Variants in OOEP observed in about 807,000 individuals in gnomAD.
The protein encoded by OOEP is oocyte expressed protein.
In OOEP, 16 loss-of-function variants were observed where a neutral mutation model predicts 13.7. That is an observed-to-expected ratio of 1.16 (90% CI 0.79 to 1.77). The LOEUF is 1.77. Among genes scored for constraint, OOEP ranks in the 40% most tolerant of loss-of-function variants. The pLI, the probability that OOEP is intolerant of heterozygous loss-of-function variation, is 0.00. For missense variants in OOEP, 195 were observed against 193.1 expected (o/e 1.01, Z -0.06); for synonymous variants, 89 against 77.1 (o/e 1.15, Z -0.81).
At chr6:73,369,974 A>T (rs1769024629), upstream of OOEP, 2 of 600,426 alleles carry the variant, frequency 3.3e-6, no homozygotes, top group Non-Finnish European at 5.9e-6. Flanking sequence ...GCACCATTGG[A>T]CACTTCCTGC....
upstream of OOEP, among the ~76,000 whole-genome samples, chr6:73,373,942 C>A (rs116772040): frequency 6.6e-6 from 1 of 151,856 alleles, no homozygotes; most frequent in African/African-American, 2.4e-5. Flanking sequence ...CCTGTAATCC[C>A]ATCACTGGGA....
intron 2 of OOEP, 63 bp from the exon 3 acceptor site, chr6:73,368,926 T>C (rs763985793): frequency 7.8e-7 from 1 of 1,280,080 alleles, no homozygotes; most frequent in Non-Finnish European, 1.1e-6. Flanking sequence ...TTCGAACTAC[T>C]CCGTGACTGG....
At position 73,369,222 on chromosome 6, in the gene OOEP, T is replaced by TCG; in HGVS notation, c.352_353dup (p.His120AsnfsTer9). ...GACCCTCACCTCGGGCACGATGTTC[T>TCG]CGGTGAAACCATGCCAGGCACAGGA... On this transcript the variant is annotated frameshift_variant, in exon 2 of 3. Transcript: ENST00000370359. LOFTEE classifies it low-confidence loss of function (END_TRUNC). 2 of 1,611,728 alleles carry TCG rather than the reference T, an allele frequency of 1.2e-6. No homozygotes were observed. Among genetic ancestry groups the TCG allele is most frequent in the Non-Finnish European group, 1.7e-6 (2 of 1,179,064 alleles).
At chr6:73,373,356 ACT>A (rs1769090272), upstream of OOEP, 1 of 1,288,498 alleles carries the variant, frequency 7.8e-7, no homozygotes, top group Non-Finnish European at 1.1e-6. Flanking sequence ...ACAGGGTCTC[ACT>A]CTGTCACCCA....
chr6:73,375,348 TAGG>T (rs895502205), intron 2 of OOEP, among the ~76,000 whole-genome samples: 7 of 151,922 alleles, frequency 4.6e-5, no homozygotes, highest in African/African-American at 7.3e-5. Context: ...CTGTGGGAGA[TAGG>T]AGGACTGCCT....
chr6:73,388,395 CAGAA>C (rs781002531), intron 2 of OOEP, among the ~76,000 whole-genome samples: 10 of 152,194 alleles, frequency 6.6e-5, no homozygotes, highest in Admixed American at 3.9e-4. Context: ...GAAGAAAACT[CAGAA>C]GGACCAAATT....
intron 2 of OOEP, among the ~76,000 whole-genome samples, chr6:73,382,993 T>A (rs1388874082): frequency 6.6e-6 from 1 of 150,938 alleles, no homozygotes; most frequent in African/African-American, 2.4e-5. Context: ...TGCGCCACCA[T>A]GCACGTCTAA....
upstream of OOEP, chr6:73,373,047 T>C: frequency 2.3e-6 from 3 of 1,331,974 alleles, no homozygotes; most frequent in African/African-American, 1.4e-5. Context: ...CAGCTTGATA[T>C]GGTAACATGA....
chr6:73,373,728 T>G (rs1769096062), upstream of OOEP, among the ~76,000 whole-genome samples: 1 of 151,976 alleles, frequency 6.6e-6, no homozygotes, highest in Non-Finnish European at 1.5e-5. Flanking sequence ...TAGCTGGGAT[T>G]ACAGGCATGC....
At chr6:73,376,788 A>C (rs1247235627) in intron 2 of OOEP, among the ~76,000 whole-genome samples, 2 of 152,282 alleles carry the variant, frequency 1.3e-5, no homozygotes, top group East Asian at 3.9e-4. Flanking sequence ...AGTAGCTGGG[A>C]TTACTGGTGC....
rs545701161 is a variant in OOEP, at chr6:73,395,086, G to A, written c.-486C>T. The A allele has an allele frequency of 3.2e-5, 52 of 1,614,058 alleles. No individual in the cohort carries two copies. In the South Asian group the frequency reaches 5.0e-4, roughly 16 times the overall value. ...AGGCACCTCTAGGCCCCCGGAGGCC[G>A]TGGCCGCTGGTCACGAGGAACTGCC... On this transcript the variant is annotated 5_prime_UTR_variant, in exon 1 of 4. Transcript: ENST00000370363.
exon 1 of OOEP, chr6:73,394,738 A>G (rs1769421879): frequency 1.0e-6 from 1 of 960,126 alleles, no homozygotes; most frequent in African/African-American, 1.6e-5. Context: ...GCTGCGTGAA[A>G]TCAGTGCGAA....
chr6:73,391,292 CA>C lies in OOEP; in HGVS notation c.25+3053del, dbSNP rs1374084812. On this transcript the variant is annotated intron_variant, in intron 2 of 3. Coordinates refer to the OOEP transcript ENST00000370363. Reference sequence around the variant, plus strand: ...CCTGTGTGTCTTATCTTTGTTATAACAAAGAGCTTTCTTATAACATATTGGT... The same window carrying C: ...CCTGTGTGTCTTATCTTTGTTATAACAAGAGCTTTCTTATAACATATTGGT... The C allele has an allele frequency of 2.6e-5, 4 of 152,670 alleles. 1 individual carries two copies. The South Asian group carries it at 6.2e-4, about 24-fold the overall frequency. 9.5% of individuals were successfully genotyped at this position (152,670 alleles called of 1,614,324 possible).
In OOEP at chr6:73,394,865, G is replaced by C. The variant is rs775625399; in HGVS notation, c.-265C>G. Reference sequence around the variant, plus strand: ...CGACGTCACGGTCAGGTGGTGCAGAGCTGGACGGCAACGACGTCGGACGCG... The same window carrying C: ...CGACGTCACGGTCAGGTGGTGCAGACCTGGACGGCAACGACGTCGGACGCG... On this transcript the variant is annotated 5_prime_UTR_variant, in exon 1 of 4. Transcript: ENST00000370363. The C allele has an allele frequency of 3.7e-6, 6 of 1,605,416 alleles. No individual in the cohort carries two copies. In the African/African-American group the frequency reaches 6.7e-5, roughly 18 times the overall value.
At chr6:73,393,104 AAAAAAAAAAAATTTTTTTTTTTT>A (rs1272136081) in intron 2 of OOEP, among the ~76,000 whole-genome samples, 2 of 135,772 alleles carry the variant, frequency 1.5e-5, no homozygotes, top group African/African-American at 5.3e-5. Flanking sequence ...GATTGAACTG[AAAAAAAAAAAATTTTTTTTTTTT>A]GAGACAGGGT....
At chr6:73,381,378 C>CT (rs1769207379) in intron 2 of OOEP, among the ~76,000 whole-genome samples, 2 of 152,104 alleles carry the variant, frequency 1.3e-5, no homozygotes. Flanking sequence ...TGCCTTCAGG[C>CT]ACCAGAGAGC....
intron 2 of OOEP, among the ~76,000 whole-genome samples, chr6:73,378,038 A>T (rs767485442): frequency 6.6e-6 from 1 of 152,030 alleles, no homozygotes; most frequent in Non-Finnish European, 1.5e-5. Flanking sequence ...AAGTAACCCT[A>T]TTTAATTTAT....
At chr6:73,385,135 A>G (rs1475004335) in intron 2 of OOEP, among the ~76,000 whole-genome samples, 1 of 151,708 alleles carries the variant, frequency 6.6e-6, no homozygotes, top group African/African-American at 2.4e-5. Context: ...TCACTAGGTC[A>G]GGAGATTGAG....
At chr6:73,389,375 A>G (rs1231497221) in intron 2 of OOEP, among the ~76,000 whole-genome samples, 1 of 151,866 alleles carries the variant, frequency 6.6e-6, no homozygotes. Flanking sequence ...TCAGGTCAAA[A>G]TTGGGCGTGA....
Sources: gnomAD v4.1 joint callset for allele counts (sites outside exome capture counted in the v4.1 genomes callset) on GRCh38, gnomAD v4.1.1 for gene constraint, MANE v1.5 for transcripts, NCBI Gene and HGNC (gene_info 2026-07-23, HGNC 2026-07-21) for gene names.